Variants in UBQLN1 observed in about 807,000 individuals in gnomAD.
The protein encoded by UBQLN1 is ubiquilin-1.
Under a neutral mutation model 65.4 loss-of-function variants are expected in UBQLN1, and 13 were observed. The observed-to-expected ratio is 0.20, with a 90% CI of 0.13 to 0.32. The LOEUF (loss-of-function observed/expected upper bound fraction) is 0.32, where lower values mean the gene tolerates loss of function less well. UBQLN1 is among the 10% of genes least tolerant of loss of function. UBQLN1 has a pLI of 1.00. For missense variants in UBQLN1, 561 were observed against 724.0 expected (o/e 0.77, Z 2.58); for synonymous variants, 267 against 247.8 (o/e 1.08, Z -0.73).
chr9:83,695,067 T>C (rs1832187008), intron 1 of UBQLN1, among the ~76,000 whole-genome samples: 2 of 151,978 alleles, frequency 1.3e-5, no homozygotes, highest in South Asian at 4.1e-4. Context: ...ATAAAGAAAA[T>C]TGTGGGTGGT....
intron 10 of UBQLN1, among the ~76,000 whole-genome samples, chr9:83,662,304 A>ACG (rs1831574186): frequency 6.6e-6 from 1 of 150,864 alleles, no homozygotes; most frequent in Non-Finnish European, 1.5e-5. Context: ...ACACACACAC[A>ACG]CACACACACA....
chr9:83,697,482 G>A (rs867280532), intron 1 of UBQLN1, among the ~76,000 whole-genome samples: 7 of 148,754 alleles, frequency 4.7e-5, no homozygotes, highest in South Asian at 4.3e-4. Context: ...AACCCAGGGG[G>A]CGGAGGTTGC....
chr9:83,706,475 T>A (rs1306200312), intron 1 of UBQLN1, among the ~76,000 whole-genome samples: 2 of 152,200 alleles, frequency 1.3e-5, no homozygotes, highest in Non-Finnish European at 2.9e-5. Flanking sequence ...TACACTACCT[T>A]TGGAACTCGT....
intron 1 of UBQLN1, among the ~76,000 whole-genome samples, chr9:83,694,935 C>G (rs929108199): frequency 8.5e-5 from 13 of 152,112 alleles, no homozygotes; most frequent in African/African-American, 3.1e-4. Context: ...GGTTCATGCT[C>G]TCCTTTCTCA....
intron 5 of UBQLN1, 135 bp downstream of exon 5, chr9:83,678,306 C>T: frequency 1.8e-6 from 2 of 1,115,958 alleles, no homozygotes; most frequent in Non-Finnish European, 2.5e-6. Context: ...CAGGCGTGAG[C>T]CACTGCACCC....
At chr9:83,687,436 T>C (rs571626513) in intron 1 of UBQLN1, among the ~76,000 whole-genome samples, 1 of 152,228 alleles carries the variant, frequency 6.6e-6, no homozygotes, top group African/African-American at 2.4e-5. Flanking sequence ...GCTCAAGAAA[T>C]CAGTCCAAAT....
intron 1 of UBQLN1, among the ~76,000 whole-genome samples, chr9:83,698,200 G>A (rs1421746245): frequency 2.0e-5 from 3 of 152,166 alleles, no homozygotes; most frequent in Non-Finnish European, 4.4e-5. Context: ...TCAAAAAGGG[G>A]AAGAAAGAGC....
At chr9:83,699,608 G>A (rs1185239447) in intron 1 of UBQLN1, among the ~76,000 whole-genome samples, 1 of 152,160 alleles carries the variant, frequency 6.6e-6, no homozygotes, top group Admixed American at 6.5e-5. Context: ...GCCCCGCAAA[G>A]TGTTGGGATT....
At chr9:83,666,087 A>C (rs1329380129) in intron 8 of UBQLN1, among the ~76,000 whole-genome samples, 5 of 151,976 alleles carry the variant, frequency 3.3e-5, no homozygotes, top group Non-Finnish European at 1.5e-5. Flanking sequence ...TATGGTATTA[A>C]CAAAGCATTC....
At position 83,685,885 on chromosome 9, in the gene UBQLN1, G is replaced by A. The variant is rs1433733117; in HGVS notation, c.332+119C>T. The A allele has an allele frequency of 3.4e-6, 3 of 893,644 alleles. No homozygotes were observed. The East Asian group carries it at 9.1e-5, about 27-fold the overall frequency. 55.4% of individuals were successfully genotyped at this position (893,644 alleles called of 1,614,324 possible). A position where few individuals can be genotyped will look rare whatever the true frequency, so the allele number is the denominator to read the frequency against. On this transcript the variant is annotated intron_variant, in intron 2 of 10. Coordinates refer to ENST00000376395, the MANE Select transcript of UBQLN1 (RefSeq NM_013438.5). ...AAAATTGTTATCGACAGCAAGGAAA[G>A]AATTTTAACTATTTAAATATTAATG...
At chr9:83,703,685 G>A (rs796296506) in intron 1 of UBQLN1, among the ~76,000 whole-genome samples, 1 of 152,176 alleles carries the variant, frequency 6.6e-6, no homozygotes, top group East Asian at 1.9e-4. Flanking sequence ...CAACCTGTAA[G>A]TAAAAATTTA....
Position 83,664,927 on chromosome 9 carries a change from A to G in UBQLN1, c.1448+103T>C. The G allele has an allele frequency of 1.0e-5, 5 of 500,672 alleles. No individual in the cohort carries two copies. In the South Asian group the frequency reaches 1.9e-4, roughly 19 times the overall value. The allele number at this position is 500,672 out of a possible 1,614,324, so 31.0% of individuals were successfully genotyped here. A position where few individuals can be genotyped will look rare whatever the true frequency, so the allele number is the denominator to read the frequency against. ...GGGCGAGACCCTGTATCCCACCAAAAAAAAAAAAAAAAAAAAAAAGGCAGG... is the reference window on the plus strand; with the variant it reads ...GGGCGAGACCCTGTATCCCACCAAAGAAAAAAAAAAAAAAAAAAAGGCAGG... On this transcript the variant is annotated intron_variant, in intron 9 of 10. Coordinates refer to ENST00000376395, the MANE Select transcript of UBQLN1 (RefSeq NM_013438.5).
At chr9:83,669,357 T>C (rs755325614) in intron 6 of UBQLN1, 30 bp from the exon 7 acceptor site, 1 of 1,560,802 alleles carries the variant, frequency 6.4e-7, no homozygotes, top group Non-Finnish European at 8.6e-7. Context: ...AAAGACATAT[T>C]AAGGAAAAAT....
At chr9:83,667,383 G>T in intron 7 of UBQLN1, 1 of 475,850 alleles carries the variant, frequency 2.1e-6, no homozygotes, top group Non-Finnish European at 2.7e-6. Flanking sequence ...AATGATCCTT[G>T]CCCTCAAGAA....
intron 3 of UBQLN1, among the ~76,000 whole-genome samples, chr9:83,680,865 TAGGGGCAGTCTTGC>T (rs1268016962): frequency 6.6e-6 from 1 of 152,140 alleles, no homozygotes; most frequent in Admixed American, 6.5e-5. Context: ...GTATCTGAAG[TAGGGGCAGTCTTGC>T]AGGACTGAGT....
At chr9:83,688,816 G>C (rs1234990831) in intron 1 of UBQLN1, among the ~76,000 whole-genome samples, 3 of 151,136 alleles carry the variant, frequency 2.0e-5, no homozygotes, top group African/African-American at 7.3e-5. Context: ...AGCCGAGATT[G>C]CACCATTGCA....
chr9:83,695,407 C>T (rs921869290), intron 1 of UBQLN1, among the ~76,000 whole-genome samples: 4 of 152,092 alleles, frequency 2.6e-5, no homozygotes, highest in African/African-American at 9.7e-5. Context: ...ACTATATTGG[C>T]CAGGCTGGTC....
chr9:83,697,053 G>T (rs1205636719), intron 1 of UBQLN1, among the ~76,000 whole-genome samples: 3 of 152,050 alleles, frequency 2.0e-5, no homozygotes, highest in Non-Finnish European at 4.4e-5. Context: ...TGGGACTACA[G>T]GCTTGCACCA....
At position 83,678,526 on chromosome 9, in the gene UBQLN1, A is replaced by G. The variant is rs1480808297; in HGVS notation, c.785T>C (p.Leu262Pro). Reference protein sequence around the residue: ...MRNQDRALSNLESIPGGYNAL... With the variant: ...MRNQDRALSNPESIPGGYNAL... ...ATTATATCCCCCTGGGATGCTTTCT[A>G]GGTTGCTCAAAGCTCGGTCCTGGTT... Residue 262 changes from leucine (L) to proline (P), a missense_variant, in exon 5 of 11, where the codon CTA becomes CCA. Coordinates refer to ENST00000376395, the MANE Select transcript of UBQLN1 (RefSeq NM_013438.5). 3 of 1,613,826 alleles carry G rather than the reference A, an allele frequency of 1.9e-6. No individual in the cohort carries two copies. The highest frequency in any genetic ancestry group is 2.5e-6 in the Non-Finnish European group (3 of 1,179,946).
Sources: allele counts gnomAD v4.1 joint callset (sites outside exome capture counted in the v4.1 genomes callset), GRCh38; gene constraint gnomAD v4.1.1; transcripts MANE v1.5; gene names NCBI Gene and HGNC (gene_info 2026-07-23, HGNC 2026-07-21).